FGF14: variants seen among roughly 807,000 people sequenced by gnomAD.
FGF14 encodes the protein fibroblast growth factor homologous factor 4.
Under a neutral mutation model 25.5 loss-of-function variants are expected in FGF14, and 5 were observed. The ratio of observed to expected loss-of-function variants is 0.20; its 90% CI spans 0.10 to 0.41. FGF14 has a LOEUF of 0.41. FGF14 is among the 10% of genes least tolerant of loss of function. The pLI is 1.00. For missense variants in FGF14, 222 were observed against 320.1 expected, an observed-to-expected ratio of 0.69 and a Z score of 2.34; for synonymous variants, 138 against 118.3, an observed-to-expected ratio of 1.17 and a Z score of -1.08.
intron 1 of FGF14, among the ~76,000 whole-genome samples, chr13:101,876,936 G>A (rs538846698): frequency 5.9e-5 from 9 of 151,872 alleles, no homozygotes; most frequent in South Asian, 2.1e-4. Flanking sequence ...GAAAAGAAGC[G>A]AATAAAAGCA....
chr13:101,959,932 C>T (rs914031882), intron 1 of FGF14, among the ~76,000 whole-genome samples: 3 of 152,138 alleles, frequency 2.0e-5, no homozygotes, highest in African/African-American at 7.2e-5. Context: ...TAAAACTGCT[C>T]AGTTAAAGTT....
At chr13:102,226,665 C>T (rs911380948) in intron 1 of FGF14, among the ~76,000 whole-genome samples, 1 of 152,078 alleles carries the variant, frequency 6.6e-6, no homozygotes, top group African/African-American at 2.4e-5. Context: ...CAGTTTTTGG[C>T]CTTTTAGTTC....
intron 3 of FGF14, among the ~76,000 whole-genome samples, chr13:101,791,713 G>C (rs1366724962): frequency 6.6e-6 from 1 of 152,026 alleles, no homozygotes; most frequent in East Asian, 1.9e-4. Flanking sequence ...ACCCATTATT[G>C]TTAATTTTAA....
chr13:102,361,388 T>C (rs963390672), intron 1 of FGF14, among the ~76,000 whole-genome samples: 3 of 152,148 alleles, frequency 2.0e-5, no homozygotes, highest in African/African-American at 4.8e-5. Flanking sequence ...ATGCCCAAAA[T>C]GTTCAAAACA....
At chr13:102,094,455 G>T (rs9518625) in intron 1 of FGF14, among the ~76,000 whole-genome samples, 1 of 151,642 alleles carries the variant, frequency 6.6e-6, no homozygotes, top group African/African-American at 2.4e-5. Flanking sequence ...GAAAAAATGG[G>T]TATCTACCTG....
chr13:102,398,013 AGTGTGTGTGTGTGT>A lies in FGF14; in HGVS notation c.208+3444_208+3457del, dbSNP rs3067869. ...CTGCTAGGAAAGTAGGACATTTAAG[AGTGTGTGTGTGTGT>A]GTGTGTGTGTGTGTGTGTGTGTGTT... On this transcript the variant is annotated intron_variant, in intron 1 of 4. Coordinates refer to the FGF14 transcript ENST00000376131. Among the ~76,000 whole-genome samples, 29 of 147,250 alleles carry A rather than the reference AGTGTGTGTGTGTGT, an allele frequency of 2.0e-4. No homozygotes were observed. In the East Asian group the frequency reaches 3.2e-3, roughly 16 times the overall value.
At chr13:102,309,084 G>A (rs1028620000) in intron 1 of FGF14, among the ~76,000 whole-genome samples, 2 of 150,608 alleles carry the variant, frequency 1.3e-5, no homozygotes, top group African/African-American at 2.5e-5. Flanking sequence ...TGGTTAATGG[G>A]ATTAAATGAA....
rs2034745634 is a variant in FGF14, at chr13:101,931,489, C to G, written c.209-56193G>C. On this transcript the variant is annotated intron_variant, in intron 1 of 4. Coordinates refer to the FGF14 transcript ENST00000376131. ...GCAATTATCTCAATTCTCTGAAAAC[C>G]TTAGGACTGGATGCTCCCCTCTCTC... Among the ~76,000 whole-genome samples, 4 of 152,270 alleles carry G rather than the reference C, an allele frequency of 2.6e-5. No homozygotes were observed. In the South Asian group the frequency reaches 8.3e-4, roughly 32 times the overall value.
At chr13:101,729,376 G>A (rs1295966110) in intron 3 of FGF14, among the ~76,000 whole-genome samples, 4 of 152,064 alleles carry the variant, frequency 2.6e-5, no homozygotes, top group South Asian at 2.1e-4. Flanking sequence ...CTATAGAACC[G>A]ATAGAACCAA....
intron 3 of FGF14, among the ~76,000 whole-genome samples, chr13:101,851,217 C>A (rs911778120): frequency 6.6e-6 from 1 of 152,022 alleles, no homozygotes; most frequent in Admixed American, 6.6e-5. Flanking sequence ...GACAGGCACA[C>A]AGGCGGATTT....
intron 1 of FGF14, among the ~76,000 whole-genome samples, chr13:101,982,314 ATTGT>A (rs1418687396): frequency 6.6e-6 from 1 of 152,138 alleles, no homozygotes; most frequent in Non-Finnish European, 1.5e-5. Flanking sequence ...AAAGTATTTG[ATTGT>A]TCACAGAAAT....
At chr13:102,118,374 A>AT (rs2045568462) in intron 1 of FGF14, among the ~76,000 whole-genome samples, 1 of 132,034 alleles carries the variant, frequency 7.6e-6, no homozygotes, top group Non-Finnish European at 1.6e-5. Flanking sequence ...TTTAAAAATA[A>AT]TTTTTTTAAA....
chr13:102,312,373 C>T (rs758382777), intron 1 of FGF14, among the ~76,000 whole-genome samples: 6 of 152,168 alleles, frequency 3.9e-5, no homozygotes, highest in Admixed American at 1.3e-4. Flanking sequence ...TCATTTACAG[C>T]GTTGTCTTTC....
chr13:101,897,322 C>T (rs180836116), intron 1 of FGF14, among the ~76,000 whole-genome samples: 7 of 152,186 alleles, frequency 4.6e-5, no homozygotes, highest in Admixed American at 2.6e-4. Flanking sequence ...TTAGAGCAGC[C>T]GAGTCACTTA....
At chr13:102,226,024 G>C (rs1333677708) in intron 1 of FGF14, among the ~76,000 whole-genome samples, 1 of 152,150 alleles carries the variant, frequency 6.6e-6, no homozygotes, top group African/African-American at 2.4e-5. Context: ...AGTTGACATC[G>C]ACATTGACAT....
intron 3 of FGF14, among the ~76,000 whole-genome samples, chr13:101,761,917 A>T (rs1448027890): frequency 6.6e-6 from 1 of 152,180 alleles, no homozygotes; most frequent in Non-Finnish European, 1.5e-5. Flanking sequence ...CCAACACAAG[A>T]GTCCCTAAGA....
intron 1 of FGF14, among the ~76,000 whole-genome samples, chr13:102,389,180 C>T (rs952538990): frequency 6.6e-6 from 1 of 152,030 alleles, no homozygotes; most frequent in African/African-American, 2.4e-5. Context: ...TAGTATTCTC[C>T]ATACATTTAG....
At chr13:102,048,975 A>T (rs536339731) in intron 1 of FGF14, among the ~76,000 whole-genome samples, 47 of 152,292 alleles carry the variant, frequency 3.1e-4, no homozygotes, top group African/African-American at 1.1e-3. Flanking sequence ...GCTGTATTTC[A>T]GCTGATAATG....
intron 1 of FGF14, among the ~76,000 whole-genome samples, chr13:102,284,791 G>T (rs1481993341): frequency 6.6e-6 from 1 of 151,934 alleles, no homozygotes; most frequent in Non-Finnish European, 1.5e-5. Flanking sequence ...AAATTAAATG[G>T]TATTTTTTAC....
Sources: gnomAD v4.1 joint callset for allele counts (sites outside exome capture counted in the v4.1 genomes callset) on GRCh38, gnomAD v4.1.1 for gene constraint, MANE v1.5 for transcripts, NCBI Gene and HGNC (gene_info 2026-07-23, HGNC 2026-07-21) for gene names.